OR5B2: variants seen among roughly 807,000 people sequenced by gnomAD.
OR5B2 encodes the protein olfactory receptor 5B2.
For synonymous variants in OR5B2, 163 were observed against 140.8 expected, an observed-to-expected ratio of 1.16 and a Z score of -1.11; for missense variants, 411 against 367.0, an observed-to-expected ratio of 1.12 and a Z score of -0.98.
chr11:58,422,607 T>C lies in OR5B2; in HGVS notation c.655A>G (p.Ile219Val), dbSNP rs1590711595. The change falls in exon 3 of 3, where the codon ATA becomes GTA. Residue 219 changes from isoleucine (I) to valine (V), a missense_variant. Ile to Val is a conservative substitution (Grantham distance 29, BLOSUM62 3). Transcript: ENST00000641342. Reference protein sequence around the residue: ...LLVIFISYLFIFITILKMHSA... With the variant: ...LLVIFISYLFVFITILKMHSA... ...TGCATCTTCAAGATGGTGATGAATATGAACAAGTAGGAGATAAAGATAACT... is the reference window on the plus strand; with the variant it reads ...TGCATCTTCAAGATGGTGATGAATACGAACAAGTAGGAGATAAAGATAACT... 8 of 1,613,664 alleles carry C rather than the reference T, an allele frequency of 5.0e-6. No homozygotes were observed. In the East Asian group the frequency reaches 1.6e-4, roughly 31 times the overall value.
intron 2 of OR5B2, among the ~76,000 whole-genome samples, chr11:58,426,295 T>A (rs1198662680): frequency 6.6e-6 from 1 of 152,040 alleles, no homozygotes; most frequent in African/African-American, 2.4e-5. Flanking sequence ...TGGGACCCAT[T>A]AGTTATTTTT....
At position 58,422,269 on chromosome 11, in the gene OR5B2, G is replaced by T; in HGVS notation, c.*63C>A. On this transcript the variant is annotated 3_prime_UTR_variant, in exon 3 of 3. Coordinates refer to ENST00000641342, the MANE Select transcript of OR5B2 (RefSeq NM_001005566.3). ...GGGTTTCAAATGTAACTCATTGCATGAGGAAAGTCTGAGATGAGGGAAACA... is the reference window on the plus strand; with the variant it reads ...GGGTTTCAAATGTAACTCATTGCATTAGGAAAGTCTGAGATGAGGGAAACA... The T allele has an allele frequency of 1.0e-6, 1 of 990,828 alleles. No individual in the cohort carries two copies. The highest frequency in any genetic ancestry group is 1.6e-6 in the Non-Finnish European group (1 of 644,466). The allele number at this position is 990,828 out of a possible 1,614,324, so 61.4% of individuals were successfully genotyped here.
At position 58,422,823 on chromosome 11, in the gene OR5B2, A is replaced by G. The variant is rs772230057; in HGVS notation, c.439T>C (p.Tyr147His). 8.1e-6 allele frequency: 13 copies of G among 1,613,690 alleles called. No individual in the cohort carries two copies. The highest frequency in any genetic ancestry group is 2.5e-6 in the Non-Finnish European group (3 of 1,179,868). The change falls in exon 3 of 3, where the codon TAT becomes CAT. Residue 147 changes from tyrosine (Y) to histidine (H), a missense_variant. Coordinates refer to ENST00000641342, the MANE Select transcript of OR5B2 (RefSeq NM_001005566.3). Reference protein sequence around the residue: ...SVGACLALGSYVCGFLNASFH... With the variant: ...SVGACLALGSHVCGFLNASFH... ...GAGGCATTTAGGAAGCCACAGACAT[A>G]TGAGCCTAGGGCCAGACAGGCACCT...
chr11:58,426,598 C>G (rs767763063), intron 2 of OR5B2, 24 bp downstream of exon 2: 1 of 152,040 alleles, frequency 6.6e-6, no homozygotes, highest in African/African-American at 2.4e-5. Flanking sequence ...CTAAACAGAC[C>G]GTAGAACAGA....
intron 1 of OR5B2, among the ~76,000 whole-genome samples, chr11:58,427,709 T>C (rs919402201): frequency 6.6e-6 from 1 of 152,078 alleles, no homozygotes; most frequent in African/African-American, 2.4e-5. Flanking sequence ...TGGAAAACTG[T>C]GAATCAGTCC....
rs1855271270 is a variant in OR5B2 at position 58,421,475 on chromosome 11, A to G, written c.*857T>C. On this transcript the variant is annotated 3_prime_UTR_variant, in exon 3 of 3. Transcript: ENST00000641342. Reference sequence around the variant, plus strand: ...ATTTTAACTATATGACATTCTGGAGAAAGCAAAACTGTGGAGACAGAAAAA... The same window carrying G: ...ATTTTAACTATATGACATTCTGGAGGAAGCAAAACTGTGGAGACAGAAAAA... The G allele has an allele frequency of 6.6e-6, 1 of 152,176 alleles. No homozygotes were observed. Among genetic ancestry groups the G allele is most frequent in the Non-Finnish European group, 1.5e-5 (1 of 68,028 alleles). 9.4% of individuals were successfully genotyped at this position (152,176 alleles called of 1,614,324 possible). A position where few individuals can be genotyped will look rare whatever the true frequency, so the allele number is the denominator to read the frequency against.
intron 1 of OR5B2, among the ~76,000 whole-genome samples, chr11:58,427,453 T>C (rs1223258916): frequency 6.6e-6 from 1 of 152,164 alleles, no homozygotes; most frequent in Non-Finnish European, 1.5e-5. Context: ...AAAGTTCATA[T>C]TGAGATTATA....
At chr11:58,424,628 C>A (rs923925225) in intron 2 of OR5B2, among the ~76,000 whole-genome samples, 1 of 151,930 alleles carries the variant, frequency 6.6e-6, no homozygotes, top group Non-Finnish European at 1.5e-5. Flanking sequence ...GTTTTGGTGG[C>A]AGGTTGTAAG....
intron 2 of OR5B2, among the ~76,000 whole-genome samples, chr11:58,426,329 A>G (rs1023144409): frequency 1.3e-5 from 2 of 151,872 alleles, no homozygotes; most frequent in African/African-American, 4.8e-5. Flanking sequence ...CCCTCCTCCT[A>G]TCCTCCACCC....
In OR5B2 at chr11:58,422,462, T is replaced by A. The variant is rs751136716; in HGVS notation, c.800A>T (p.Asp267Val). 8 of 1,613,750 alleles carry A rather than the reference T, an allele frequency of 5.0e-6. No homozygotes were observed. In the East Asian group the frequency reaches 8.9e-5, roughly 18 times the overall value. ...YLQPSSSHSM[D>V]TDKMASVFYA... is the part of the protein sequence containing the mutation. ...GAACACAGATGCCATTTTGTCTGTG[T>A]CCATGGAGTGGCTGGAGCTGGGCTG... is the stretch of plus-strand genomic sequence containing the variant. The change falls in exon 3 of 3, where the codon GAC becomes GTC. Residue 267 changes from aspartate to valine, a missense_variant. By Grantham distance (152) the Asp-to-Val change is radical (BLOSUM62 -3). Transcript: ENST00000641342.
rs1310994267 is a variant in OR5B2, at chr11:58,422,766, A to G, written c.496T>C (p.Phe166Leu). The G allele has an allele frequency of 6.2e-7, 1 of 1,613,868 alleles. No homozygotes were observed. The highest frequency in any genetic ancestry group is 1.7e-5 in the Admixed American group (1 of 59,914). The change falls in exon 3 of 3, where the codon TTC becomes CTC. Residue 166 changes from phenylalanine (F) to leucine (L), a missense_variant. Phe to Leu is a conservative substitution (Grantham distance 22). Coordinates refer to ENST00000641342, the MANE Select transcript of OR5B2 (RefSeq NM_001005566.3). ...TGATGTACCAGATTGGATTTACAGA[A>G]AGAGAGACTGAATATGCCCCCAATG... is the stretch of plus-strand genomic sequence containing the variant. Reference protein sequence around the residue: ...FHIGGIFSLSFCKSNLVHHFF... With the variant: ...FHIGGIFSLSLCKSNLVHHFF...
chr11:58,422,883 G>T lies in OR5B2; in HGVS notation c.379C>A (p.Pro127Thr), dbSNP rs1855294771. 1.9e-6 allele frequency: 3 copies of T among 1,613,656 alleles called. No individual in the cohort carries two copies. The highest frequency in any genetic ancestry group is 2.2e-5 in the South Asian group (2 of 91,074). The change falls in exon 3 of 3, where the codon CCC becomes ACC. Residue 127 changes from proline to threonine, a missense_variant. Transcript: ENST00000641342. ...GTCATGGTGGTGGTGTAGTGTAGGG[G>T]TTTGCACACTGCTGCATAGCGGTCA... ...AYDRYAAVCK[P>T]LHYTTTMTAS...
In OR5B2 at chr11:58,423,091, C is replaced by A; in HGVS notation, c.171G>T (p.Met57Ile). The A allele has an allele frequency of 6.2e-7, 1 of 1,613,656 alleles. No homozygotes were observed. The highest frequency in any genetic ancestry group is 8.5e-7 in the Non-Finnish European group (1 of 1,179,794). ...ILMDSCLHTPMYFFLSNLSLV... is the reference protein window; with the variant it reads ...ILMDSCLHTPIYFFLSNLSLV... The stretch of plus-strand genomic sequence containing the variant: ...GAGACAGGTTACTGAGGAAAAAGTA[C>A]ATGGGGGTGTGGAGACAAGAGTCCA... The change falls in exon 3 of 3, where the codon ATG (methionine) becomes ATT (isoleucine). Residue 57 changes from methionine to isoleucine, a missense_variant. Physicochemically the swap from Met to Ile is conservative, Grantham distance 10. Coordinates refer to ENST00000641342, the MANE Select transcript of OR5B2 (RefSeq NM_001005566.3).
intron 2 of OR5B2, among the ~76,000 whole-genome samples, chr11:58,425,870 T>C (rs549362223): frequency 4.5e-4 from 69 of 152,252 alleles, no homozygotes; most frequent in South Asian, 1.0e-3. Flanking sequence ...TACACATGCA[T>C]GCAGTCATAC....
Position 58,426,637 on chromosome 11 carries a change from A to T in OR5B2, c.-44T>A, listed in dbSNP as rs1855341471. On this transcript the variant is annotated 5_prime_UTR_variant, in exon 2 of 3. Transcript: ENST00000641342. ...AGAAACTTACCTTGCTCTTCAAGGAAGATGACACACTTTCAGTTGGTATCT... is the reference window on the plus strand; with the variant it reads ...AGAAACTTACCTTGCTCTTCAAGGATGATGACACACTTTCAGTTGGTATCT... 6.6e-6 allele frequency: 1 copy of T among 152,188 alleles called. No homozygotes were observed. The highest frequency in any genetic ancestry group is 2.4e-5 in the African/African-American group (1 of 41,468). 9.4% of individuals were successfully genotyped at this position (152,188 alleles called of 1,614,324 possible). A position where few individuals can be genotyped will look rare whatever the true frequency, so the allele number is the denominator to read the frequency against.
At position 58,423,325 on chromosome 11, in the gene OR5B2, AC is replaced by A. The variant is rs1185884320; in HGVS notation, c.-28-37del. 3.1e-6 allele frequency: 3 copies of A among 981,040 alleles called. No homozygotes were observed. In the East Asian group the frequency reaches 7.4e-5, roughly 24 times the overall value. The allele number at this position is 981,040 out of a possible 1,614,324, so 60.8% of individuals were successfully genotyped here. Reference sequence around the variant, plus strand: ...GAGAAATAAAGCAATAGAGTGATAAACAAAAAAAGAGATTTAGAAATATATA... The same window carrying A: ...GAGAAATAAAGCAATAGAGTGATAAAAAAAAAAGAGATTTAGAAATATATA... On this transcript the variant is annotated intron_variant, in intron 2 of 2. Coordinates refer to ENST00000641342, the MANE Select transcript of OR5B2 (RefSeq NM_001005566.3).
chr11:58,423,241 C>A lies in OR5B2; in HGVS notation c.21G>T (p.Val7=). 6.3e-7 allele frequency: 1 copy of A among 1,594,886 alleles called. No individual in the cohort carries two copies. The highest frequency in any genetic ancestry group is 8.6e-7 in the Non-Finnish European group (1 of 1,168,292). ...TTAGTCCTAGAAGAATGAACTTTGTCACTTCCGTACAATTCTCCATCAGTA... is the reference window on the plus strand; with the variant it reads ...TTAGTCCTAGAAGAATGAACTTTGTAACTTCCGTACAATTCTCCATCAGTA... MENCTE[V]TKFILLGLTS... Residue 7 remains valine, a synonymous_variant, in exon 3 of 3, where the codon GTG becomes GTT. Transcript: ENST00000641342.
At chr11:58,427,033 ATG>A (rs568513316) in intron 1 of OR5B2, among the ~76,000 whole-genome samples, 24,367 of 152,114 alleles carry the variant, frequency 0.16, 2,217 homozygotes, top group Middle Eastern at 0.21. Flanking sequence ...AGATCAATAA[ATG>A]ATCACCAAAA....
chr11:58,422,396 C>T lies in OR5B2; in HGVS notation c.866G>A (p.Ser289Asn). 6.2e-7 allele frequency: 1 copy of T among 1,613,590 alleles called. No homozygotes were observed. The highest frequency in any genetic ancestry group is 1.1e-5 in the South Asian group (1 of 91,068). The change falls in exon 3 of 3, where the codon AGC (serine) becomes AAC (asparagine). Residue 289 changes from serine (S) to asparagine (N), a missense_variant. Transcript: ENST00000641342. ...IIPMLNPVVY[S>N]LRNREVQNAF... ...ATTCTGGACTTCTCTGTTCCTCAGG[C>T]TGTAGACCACAGGGTTCAGCATGGG...
Sources: allele counts gnomAD v4.1 joint callset (sites outside exome capture counted in the v4.1 genomes callset), GRCh38; gene constraint gnomAD v4.1.1; transcripts MANE v1.5; gene names NCBI Gene and HGNC (gene_info 2026-07-23, HGNC 2026-07-21).